CXCL13: variants seen among roughly 807,000 people sequenced by gnomAD.
The protein encoded by CXCL13 is C-X-C motif chemokine ligand 13.
In CXCL13, 7 loss-of-function variants were observed where a neutral mutation model predicts 12.2. The ratio of observed to expected loss-of-function variants is 0.57; its 90% confidence interval spans 0.33 to 1.07. The LOEUF (loss-of-function observed/expected upper bound fraction) is 1.07. CXCL13 is among the 50% of genes least tolerant of loss of function. The pLI is 0.04. For synonymous variants in CXCL13, 47 were observed against 42.4 expected (o/e 1.11, Z -0.42); for missense variants, 113 against 127.4 (o/e 0.89, Z 0.55).
intron 1 of CXCL13, among the ~76,000 whole-genome samples, chr4:77,539,889 A>G (rs1027918712): frequency 2.6e-5 from 4 of 152,166 alleles, no homozygotes; most frequent in African/African-American, 9.7e-5. Flanking sequence ...TATCCTGCTC[A>G]GCTCCTATCT....
At chr4:77,562,315 C>T (rs1162981541) in intron 1 of CXCL13, among the ~76,000 whole-genome samples, 1 of 151,848 alleles carries the variant, frequency 6.6e-6, no homozygotes, top group Non-Finnish European at 1.5e-5. Context: ...TGCCCAAGGG[C>T]TGAGGAGTGC....
intron 1 of CXCL13, among the ~76,000 whole-genome samples, chr4:77,517,146 G>A (rs538968738): frequency 6.6e-6 from 1 of 152,120 alleles, no homozygotes; most frequent in African/African-American, 2.4e-5. Flanking sequence ...CTGAGTTCTA[G>A]TTTGATTGCA....
chr4:77,603,489 C>CA (rs1424342782), upstream of CXCL13, among the ~76,000 whole-genome samples: 1 of 152,070 alleles, frequency 6.6e-6, no homozygotes, highest in Non-Finnish European at 1.5e-5. Context: ...GGCTGTGAGT[C>CA]AGAGAGTGTG....
At chr4:77,610,847 G>A (rs1727133071) in intron 3 of CXCL13, 141 bp from the exon 4 acceptor site, 1 of 886,356 alleles carries the variant, frequency 1.1e-6, no homozygotes, top group Non-Finnish European at 1.8e-6. Context: ...GATGGAGTAG[G>A]GGTAGCTCAT....
intron 1 of CXCL13, among the ~76,000 whole-genome samples, chr4:77,595,334 T>A (rs1049352957): frequency 2.6e-5 from 4 of 152,234 alleles, no homozygotes; most frequent in African/African-American, 9.6e-5. Flanking sequence ...AGGGCCAGGA[T>A]GTATTGAGTT....
intron 1 of CXCL13, among the ~76,000 whole-genome samples, chr4:77,531,100 T>TATC (rs928297930): frequency 9.3e-5 from 9 of 96,780 alleles, no homozygotes; most frequent in African/African-American, 4.2e-4. Flanking sequence ...TGAGTTTCTT[T>TATC]ATTATTATTA....
chr4:77,595,116 T>A (rs1483272602), intron 1 of CXCL13, among the ~76,000 whole-genome samples: 3 of 134,062 alleles, frequency 2.2e-5, no homozygotes, highest in Non-Finnish European at 3.2e-5. Context: ...TTTTTTTTTT[T>A]ACCAGTGACA....
chr4:77,585,345 G>T (rs1230649482), intron 1 of CXCL13, among the ~76,000 whole-genome samples: 4 of 152,154 alleles, frequency 2.6e-5, no homozygotes, highest in Non-Finnish European at 5.9e-5. Context: ...TATTGCAAAC[G>T]ATGTTTATTT....
chr4:77,516,003 A>G (rs1724407928), intron 1 of CXCL13, among the ~76,000 whole-genome samples: 1 of 152,108 alleles, frequency 6.6e-6, no homozygotes, highest in South Asian at 2.1e-4. Flanking sequence ...ATTTATTGAG[A>G]GTTTTTAGCG....
chr4:77,514,824 G>A (rs1724375255), intron 1 of CXCL13, among the ~76,000 whole-genome samples: 1 of 152,072 alleles, frequency 6.6e-6, no homozygotes, highest in Non-Finnish European at 1.5e-5. Context: ...GATCCCATTT[G>A]TCAATTTTGG....
chr4:77,599,890 A>C (rs1358382800), intron 1 of CXCL13, among the ~76,000 whole-genome samples: 1 of 152,226 alleles, frequency 6.6e-6, no homozygotes, highest in Admixed American at 6.5e-5. Flanking sequence ...AGTTTCTAGC[A>C]GTGAAACGGG....
intron 1 of CXCL13, among the ~76,000 whole-genome samples, chr4:77,517,891 T>G (rs1724470927): frequency 6.6e-6 from 1 of 152,240 alleles, no homozygotes; most frequent in South Asian, 2.1e-4. Context: ...TGATGCAGTT[T>G]CTTTTTAGTC....
intron 1 of CXCL13, among the ~76,000 whole-genome samples, chr4:77,549,288 C>T (rs945374285): frequency 3.9e-5 from 6 of 152,148 alleles, no homozygotes; most frequent in African/African-American, 1.4e-4. Context: ...AGAATATGTT[C>T]CTTTAGCTCG....
At chr4:77,515,399 G>T (rs1208380715) in intron 1 of CXCL13, among the ~76,000 whole-genome samples, 1 of 152,150 alleles carries the variant, frequency 6.6e-6, no homozygotes, top group Non-Finnish European at 1.5e-5. Context: ...ACCTTGGGCA[G>T]TATGGCCATT....
chr4:77,516,745 C>T (rs1357231359), intron 1 of CXCL13, among the ~76,000 whole-genome samples: 4 of 151,766 alleles, frequency 2.6e-5, no homozygotes, highest in South Asian at 2.1e-4. Context: ...TTTGTTGATC[C>T]ATTCAAAAAA....
intron 1 of CXCL13, among the ~76,000 whole-genome samples, chr4:77,551,321 C>A (rs1023119614): frequency 6.6e-6 from 1 of 152,176 alleles, no homozygotes; most frequent in East Asian, 1.9e-4. Flanking sequence ...CTAGTGGTAA[C>A]AAATTCCCTT....
intron 1 of CXCL13, among the ~76,000 whole-genome samples, chr4:77,524,244 A>G (rs1724701693): frequency 6.6e-6 from 1 of 152,180 alleles, no homozygotes; most frequent in South Asian, 2.1e-4. Flanking sequence ...CCATGCTGGG[A>G]GAACCCCTTC....
chr4:77,573,061 A>G (rs1726125344), intron 1 of CXCL13, among the ~76,000 whole-genome samples: 1 of 151,842 alleles, frequency 6.6e-6, no homozygotes, highest in Admixed American at 6.6e-5. Context: ...GTAGAGGGAA[A>G]CAACCGACAC....
chr4:77,557,049 A>G (rs1725676055), intron 1 of CXCL13, among the ~76,000 whole-genome samples: 1 of 152,176 alleles, frequency 6.6e-6, no homozygotes, highest in Non-Finnish European at 1.5e-5. Context: ...AGAGAGAGAG[A>G]GAAAAGAAAA....
Sources: allele counts gnomAD v4.1 joint callset (sites outside exome capture counted in the v4.1 genomes callset), GRCh38; gene constraint gnomAD v4.1.1; transcripts MANE v1.5; gene names NCBI Gene and HGNC (gene_info 2026-07-23, HGNC 2026-07-21).